The following CTNNA2 variants were observed in gnomAD, a reference collection of about 807,000 sequenced individuals.
CTNNA2 encodes catenin alpha 2.
A neutral mutation model predicts 101.0 loss-of-function variants in CTNNA2; 42 were observed. That is an observed-to-expected ratio of 0.42 (90% CI 0.32 to 0.54). The LOEUF (loss-of-function observed/expected upper bound fraction) is 0.54, where lower values mean the gene tolerates loss of function less well. Among genes scored for constraint, CTNNA2 ranks in the 20% least tolerant of loss-of-function variants. The pLI, the probability that CTNNA2 is intolerant of heterozygous loss-of-function variation, is 0.14. For synonymous variants in CTNNA2, 450 were observed against 456.4 expected (o/e 0.99, Z 0.18); for missense variants, 871 against 1,223.1 (o/e 0.71, Z 4.29).
chr2:80,137,803 T>C (rs760409215), intron 7 of CTNNA2, among the ~76,000 whole-genome samples: 4 of 152,058 alleles, frequency 2.6e-5, no homozygotes, highest in Non-Finnish European at 5.9e-5. Context: ...CTTCTGTGTA[T>C]TTTTGGACAC....
chr2:80,251,149 T>G (rs160864), intron 7 of CTNNA2, among the ~76,000 whole-genome samples: 74,323 of 151,934 alleles, frequency 0.49, 18,748 homozygotes, highest in Non-Finnish European at 0.57. Context: ...CAATTTTAAG[T>G]AAGTCCTTAG....
intron 7 of CTNNA2, among the ~76,000 whole-genome samples, chr2:80,242,756 G>A (rs2149093369): frequency 6.6e-6 from 1 of 152,246 alleles, no homozygotes; most frequent in East Asian, 1.9e-4. Flanking sequence ...CTGAACAGCA[G>A]TCTGGCCCGA....
At chr2:80,383,535 C>G (rs575245425) in intron 7 of CTNNA2, among the ~76,000 whole-genome samples, 2 of 152,274 alleles carry the variant, frequency 1.3e-5, no homozygotes, top group African/African-American at 4.8e-5. Context: ...GTTTGGCACA[C>G]TACCTACATG....
chr2:80,550,350 TGG>T (rs1176587622), intron 11 of CTNNA2, among the ~76,000 whole-genome samples: 45 of 152,180 alleles, frequency 3.0e-4, no homozygotes, highest in Non-Finnish European at 2.9e-5. Flanking sequence ...ATCAGAGTGG[TGG>T]TTCCTGTGTG....
At chr2:79,894,822 G>A (rs1356109676) in intron 6 of CTNNA2, among the ~76,000 whole-genome samples, 1 of 152,210 alleles carries the variant, frequency 6.6e-6, no homozygotes, top group Non-Finnish European at 1.5e-5. Context: ...AATAGACAGA[G>A]ATCATGTATT....
At chr2:79,287,510 G>A (rs7572280) in intron 2 of CTNNA2, among the ~76,000 whole-genome samples, 15,334 of 150,342 alleles carry the variant, frequency 0.1, 907 homozygotes, top group Middle Eastern at 0.18. Flanking sequence ...TGGAGTACCC[G>A]GCCGTGTGAG....
intron 7 of CTNNA2, among the ~76,000 whole-genome samples, chr2:80,204,668 C>T (rs1573383967): frequency 1.3e-5 from 2 of 152,122 alleles, no homozygotes; most frequent in African/African-American, 4.8e-5. Flanking sequence ...CTTCTGAGCC[C>T]TCCAAACTGT....
At chr2:79,388,391 G>A (rs1050084470) in intron 4 of CTNNA2, among the ~76,000 whole-genome samples, 1 of 152,106 alleles carries the variant, frequency 6.6e-6, no homozygotes, top group Non-Finnish European at 1.5e-5. Context: ...CTAGCTACTG[G>A]CTTCATTCCA....
intron 7 of CTNNA2, among the ~76,000 whole-genome samples, chr2:80,234,159 G>A (rs575927625): frequency 3.0e-4 from 46 of 151,996 alleles, no homozygotes; most frequent in African/African-American, 1.1e-3. Flanking sequence ...CAATTCTCCT[G>A]CCTCAGCCTC....
chr2:79,910,085 A>C (rs895978826), intron 7 of CTNNA2, among the ~76,000 whole-genome samples: 1 of 152,208 alleles, frequency 6.6e-6, no homozygotes, highest in African/African-American at 2.4e-5. Flanking sequence ...ATTTTGAAGT[A>C]GGTAAGATTT....
intron 2 of CTNNA2, among the ~76,000 whole-genome samples, chr2:79,201,255 G>A (rs187389087): frequency 6.6e-6 from 1 of 152,232 alleles, no homozygotes; most frequent in Non-Finnish European, 1.5e-5. Flanking sequence ...AAACAGTTAA[G>A]CAAAACAAAT....
At chr2:79,566,606 G>C (rs1675129554) in intron 1 of CTNNA2, among the ~76,000 whole-genome samples, 1 of 152,014 alleles carries the variant, frequency 6.6e-6, no homozygotes. Context: ...TGTTGGCTCT[G>C]CACCTAGGGA....
intron 7 of CTNNA2, among the ~76,000 whole-genome samples, chr2:80,317,491 G>A (rs927812124): frequency 2.0e-5 from 3 of 152,068 alleles, no homozygotes; most frequent in Admixed American, 2.0e-4. Flanking sequence ...ACCCTTTTAT[G>A]GAACAATTAA....
intron 14 of CTNNA2, among the ~76,000 whole-genome samples, chr2:80,585,592 T>C (rs948654884): frequency 1.1e-4 from 17 of 152,294 alleles, no homozygotes; most frequent in Admixed American, 8.5e-4. Flanking sequence ...AATGAACAAT[T>C]GCATGTTATG....
intron 12 of CTNNA2, among the ~76,000 whole-genome samples, chr2:80,556,819 A>C (rs1558583592): frequency 6.6e-6 from 1 of 152,200 alleles, no homozygotes; most frequent in East Asian, 1.9e-4. Flanking sequence ...GAATTGGTGC[A>C]TATATATGCA....
At chr2:79,329,644 A>T (rs1156787268) in intron 3 of CTNNA2, among the ~76,000 whole-genome samples, 1 of 152,008 alleles carries the variant, frequency 6.6e-6, no homozygotes, top group Non-Finnish European at 1.5e-5. Context: ...TGCTATCCTC[A>T]CGAATTCCAG....
At chr2:80,131,935 G>T (rs768545188) in intron 7 of CTNNA2, among the ~76,000 whole-genome samples, 5 of 152,026 alleles carry the variant, frequency 3.3e-5, no homozygotes, top group African/African-American at 9.7e-5. Flanking sequence ...ACAAAAATTA[G>T]CCAGACGTGG....
At chr2:80,452,203 A>G (rs1422604181) in intron 9 of CTNNA2, among the ~76,000 whole-genome samples, 1 of 146,964 alleles carries the variant, frequency 6.8e-6, no homozygotes, top group Non-Finnish European at 1.5e-5. Flanking sequence ...ACATAATGCA[A>G]TCAGGATTCA....
intron 1 of CTNNA2, among the ~76,000 whole-genome samples, chr2:79,631,359 A>C (rs1042274912): frequency 6.6e-6 from 1 of 152,066 alleles, no homozygotes; most frequent in Non-Finnish European, 1.5e-5. Context: ...CTCATTTCGT[A>C]TGTGAGGATC....
Sources: gnomAD v4.1 joint callset for allele counts (sites outside exome capture counted in the v4.1 genomes callset) on GRCh38, gnomAD v4.1.1 for gene constraint, MANE v1.5 for transcripts, NCBI Gene and HGNC (gene_info 2026-07-23, HGNC 2026-07-21) for gene names.